RGMA: variants seen among roughly 807,000 people sequenced by gnomAD.
The protein encoded by RGMA is repulsive guidance molecule A.
RGMA carries 10 observed loss-of-function variants against 23.2 expected under a neutral mutation model. The observed-to-expected ratio is 0.43, with a 90% CI of 0.27 to 0.73. The LOEUF (loss-of-function observed/expected upper bound fraction) is 0.73, where lower values mean the gene tolerates loss of function less well. Ranked by LOEUF, RGMA falls within the 30% of genes least tolerant of loss-of-function variation. The probability of loss-of-function intolerance (pLI) is 0.20; values close to 1 mark genes in which losing one functional copy is unlikely to be tolerated. For synonymous variants in RGMA, 308 were observed against 279.3 expected (o/e 1.10, Z -1.03); for missense variants, 547 against 630.5 (o/e 0.87, Z 1.42).
intron 1 of RGMA, 128 bp downstream of exon 1, chr15:93,088,790 TG>T: frequency 1.1e-6 from 1 of 913,230 alleles, no homozygotes; most frequent in South Asian, 1.6e-5. Context: ...GCTCCAAATG[TG>T]GGCAAGATGG....
chr15:93,080,017 TCA>T (rs1292580102), intron 1 of RGMA, among the ~76,000 whole-genome samples: 1 of 152,028 alleles, frequency 6.6e-6, no homozygotes, highest in African/African-American at 2.4e-5. Context: ...GCTCCTTCCC[TCA>T]CCACCAGAGA....
In RGMA at chr15:93,052,232, G is replaced by A. The variant is rs1234130169; in HGVS notation, c.406C>T (p.Gln136Ter). The A allele has an allele frequency of 6.2e-7, 1 of 1,607,716 alleles. No individual in the cohort carries two copies. Among genetic ancestry groups the A allele is most frequent in the Non-Finnish European group, 8.5e-7 (1 of 1,175,940 alleles). ...ATCTCGGGGCTGTCCGAGCGCTCCT[G>A]GCTGTCTCCGGCCGGTGGGAGCGTG... is the stretch of plus-strand genomic sequence containing the variant. ...LRTLPPAGDS[Q>*]ERSDSPEICH... Residue 136 changes from glutamine (Q) to a stop codon, truncating the protein, a stop_gained, in exon 3 of 4, where the codon CAG becomes TAG. Coordinates refer to ENST00000329082, the MANE Select transcript of RGMA (RefSeq NM_020211.3). LOFTEE classifies it high-confidence loss of function.
rs1164307420 is a variant in RGMA at position 93,044,483 on chromosome 15, G to A, written c.*515C>T. 2 of 160,702 alleles carry A rather than the reference G, an allele frequency of 1.2e-5. No individual in the cohort carries two copies. The highest frequency in any genetic ancestry group is 1.8e-4 in the East Asian group (1 of 5,414). The allele number at this position is 160,702 out of a possible 1,614,324, so 10.0% of individuals were successfully genotyped here. A position where few individuals can be genotyped will look rare whatever the true frequency, so the allele number is the denominator to read the frequency against. ...CCAAGCAGCGCCCCGGGGTTGCCCT[G>A]CCTGGGGCCAAGCCCCAAGGATGCC... On this transcript the variant is annotated 3_prime_UTR_variant, in exon 4 of 4. Transcript: ENST00000329082.
At chr15:93,075,890 CCATCACACAGTTTAGACTAT>C (rs1456746666) in intron 1 of RGMA, among the ~76,000 whole-genome samples, 1 of 152,128 alleles carries the variant, frequency 6.6e-6, no homozygotes, top group Non-Finnish European at 1.5e-5. Flanking sequence ...GGGGACTTGG[CCATCACACAGTTTAGACTAT>C]CATGAGAAAT....
At chr15:93,073,823 C>A in intron 1 of RGMA, 1 of 1,521,526 alleles carries the variant, frequency 6.6e-7, no homozygotes, top group East Asian at 2.5e-5. Context: ...AAGACTTGCC[C>A]CGGCTGCGCC....
At position 93,037,973 on chromosome 15, in the gene RGMA, T is replaced by A. The variant is rs1322661987; in HGVS notation, c.*7025A>T. On this transcript the variant is annotated 3_prime_UTR_variant, in exon 4 of 4. Transcript: ENST00000329082. The surrounding 1 kb of genome is among the most constrained non-coding windows in gnomAD (Gnocchi z 4.3). ...CTTGCACACTGGCTGCCTGCAGCTG[T>A]CTATTAATTCAGACCATCCTGCTAG... is the stretch of plus-strand genomic sequence containing the variant. The A allele has an allele frequency of 6.6e-6, 1 of 152,306 alleles. No homozygotes were observed. The highest frequency in any genetic ancestry group is 1.5e-5 in the Non-Finnish European group (1 of 68,080). The allele number at this position is 152,306 out of a possible 1,614,324, so 9.4% of individuals were successfully genotyped here. A position where few individuals can be genotyped will look rare whatever the true frequency, so the allele number is the denominator to read the frequency against.
intron 2 of RGMA, among the ~76,000 whole-genome samples, chr15:93,059,623 T>C (rs748998318): frequency 7.9e-5 from 12 of 152,136 alleles, no homozygotes; most frequent in Admixed American, 2.6e-4. Context: ...TCATTTCCCA[T>C]GCGAGGGGCT....
rs1353294472 is a variant in RGMA at position 93,037,580 on chromosome 15, A to G, written c.*7418T>C. ...GGCCCCGAGCCAGCTCACCAGGGTAATAAACTGCCACAAGCCCCTTCTCTG... is the reference window on the plus strand; with the variant it reads ...GGCCCCGAGCCAGCTCACCAGGGTAGTAAACTGCCACAAGCCCCTTCTCTG... On this transcript the variant is annotated 3_prime_UTR_variant, in exon 4 of 4. Coordinates refer to ENST00000329082, the MANE Select transcript of RGMA (RefSeq NM_020211.3). The surrounding 1 kb of genome is among the most constrained non-coding windows in gnomAD (Gnocchi z 4.3). 1 of 152,258 alleles carries G rather than the reference A, an allele frequency of 6.6e-6. No homozygotes were observed. Among genetic ancestry groups the G allele is most frequent in the Non-Finnish European group, 1.5e-5 (1 of 68,076 alleles). 9.4% of individuals were successfully genotyped at this position (152,258 alleles called of 1,614,324 possible).
intron 2 of RGMA, chr15:93,066,688 G>C: frequency 2.6e-6 from 1 of 380,562 alleles, no homozygotes; most frequent in Non-Finnish European, 5.1e-6. Flanking sequence ...GCCGCCGCCC[G>C]GTTTTTTATA....
chr15:93,035,757 G>A lies in RGMA; in HGVS notation c.*9241C>T, dbSNP rs12916709. 0.34 allele frequency: 51,366 copies of A among 152,188 alleles called. 10,124 individuals carry two copies. Among genetic ancestry groups the A allele is most frequent in the East Asian group, 0.89 (4,619 of 5,184 alleles). 9.4% of individuals were successfully genotyped at this position (152,188 alleles called of 1,614,324 possible). Reference sequence around the variant, plus strand: ...AGATTCTAGCCCGACTCTGAAGGCCGAGCCTGTCACCACCTCATGCAATGG... The same window carrying A: ...AGATTCTAGCCCGACTCTGAAGGCCAAGCCTGTCACCACCTCATGCAATGG... On this transcript the variant is annotated 3_prime_UTR_variant, in exon 4 of 4. Transcript: ENST00000329082.
At chr15:93,065,643 C>A in intron 2 of RGMA, 1 of 935,412 alleles carries the variant, frequency 1.1e-6, no homozygotes. Context: ...GTCTCAGGGG[C>A]TGCGGGCTGC....
chr15:93,036,843 C>T lies in RGMA; in HGVS notation c.*8155G>A, dbSNP rs1350974922. 2.0e-5 allele frequency: 3 copies of T among 152,350 alleles called. No individual in the cohort carries two copies. Among genetic ancestry groups the T allele is most frequent in the South Asian group, 2.1e-4 (1 of 4,836 alleles). The allele number at this position is 152,350 out of a possible 1,614,324, so 9.4% of individuals were successfully genotyped here. ...TAACCTGGAGTGGGTCAGTTGGCTT[C>T]TCTTTGCTTCTGTCTGTCCGTCTGT... On this transcript the variant is annotated 3_prime_UTR_variant, in exon 4 of 4. Coordinates refer to ENST00000329082, the MANE Select transcript of RGMA (RefSeq NM_020211.3).
At chr15:93,053,078 C>T (rs544598125) in intron 2 of RGMA, among the ~76,000 whole-genome samples, 2 of 152,272 alleles carry the variant, frequency 1.3e-5, no homozygotes, top group Non-Finnish European at 2.9e-5. Flanking sequence ...ACTCAATGAA[C>T]GTCGCCTGGT....
At chr15:93,071,911 A>AGATCCCGCCTTGCGCCGGGG in intron 2 of RGMA, among the ~76,000 whole-genome samples, 1 of 152,360 alleles carries the variant, frequency 6.6e-6, no homozygotes, top group Non-Finnish European at 1.5e-5. Flanking sequence ...AACGGCTGGG[A>AGATCCCGCCTTGCGCCGGGG]GATCCCGCCT....
chr15:93,076,591 C>T (rs1895476516), intron 1 of RGMA, among the ~76,000 whole-genome samples: 1 of 151,990 alleles, frequency 6.6e-6, no homozygotes, highest in Admixed American at 6.6e-5. Flanking sequence ...TGACCTTTAC[C>T]AAAAAAGGTG....
chr15:93,066,493 C>T, intron 2 of RGMA: 1 of 525,418 alleles, frequency 1.9e-6, no homozygotes, highest in Middle Eastern at 5.3e-4. Flanking sequence ...GGTCCCATCC[C>T]AGCAGCGGGG....
intron 3 of RGMA, 67 bp downstream of exon 3, chr15:93,051,926 C>G: frequency 6.8e-7 from 1 of 1,477,422 alleles, no homozygotes; most frequent in Non-Finnish European, 9.1e-7. Context: ...CTCTCAGCCT[C>G]TCAGTGTCCA....
intron 2 of RGMA, among the ~76,000 whole-genome samples, chr15:93,067,335 G>A (rs897823389): frequency 1.1e-4 from 16 of 152,148 alleles, no homozygotes; most frequent in Non-Finnish European, 4.4e-5. Context: ...AAAACAAACA[G>A]AAACACACAC....
At chr15:93,074,560 G>A (rs879656730) in intron 1 of RGMA, among the ~76,000 whole-genome samples, 6 of 152,192 alleles carry the variant, frequency 3.9e-5, no homozygotes, top group Non-Finnish European at 7.3e-5. Context: ...TCTTCTTTAC[G>A]AGGGGGTGTC....
Sources: gnomAD v4.1 joint callset for allele counts (sites outside exome capture counted in the v4.1 genomes callset) on GRCh38, gnomAD v4.1.1 for gene constraint, Gnocchi (gnomAD v3.1) non-coding constraint, MANE v1.5 for transcripts, NCBI Gene and HGNC (gene_info 2026-07-23, HGNC 2026-07-21) for gene names.